VAPA: variants seen among roughly 807,000 people sequenced by gnomAD.
VAPA encodes the protein vesicle-associated membrane protein-associated protein A.
A neutral mutation model predicts 25.6 loss-of-function variants in VAPA; 6 were observed. That is an observed-to-expected ratio of 0.23 (90% CI 0.13 to 0.46). VAPA has a LOEUF of 0.46. Among genes scored for constraint, VAPA ranks in the 20% least tolerant of loss-of-function variants. VAPA has a pLI of 0.99. For missense variants in VAPA, 244 were observed against 302.1 expected (o/e 0.81, Z 1.43); for synonymous variants, 112 against 106.2 (o/e 1.05, Z -0.34).
intron 4 of VAPA, chr18:9,948,197 T>TA (rs2069446587): frequency 2.0e-5 from 3 of 152,192 alleles, no homozygotes; most frequent in Admixed American, 1.3e-4. Context: ...AATTCTAATC[T>TA]AATTCCAAGT....
intron 1 of VAPA, among the ~76,000 whole-genome samples, chr18:9,919,079 C>T (rs138294031): frequency 1.0e-3 from 153 of 152,120 alleles, no homozygotes; most frequent in African/African-American, 3.3e-3. Context: ...ATGGGGGTGC[C>T]GCTGTGTTGC....
intron 3 of VAPA, 142 bp from the exon 4 acceptor site, chr18:9,936,844 G>A: frequency 1.6e-6 from 1 of 607,710 alleles, no homozygotes; most frequent in Non-Finnish European, 2.9e-6. Context: ...GATAACAATG[G>A]CAGGGTGATC....
intron 1 of VAPA, among the ~76,000 whole-genome samples, chr18:9,917,707 C>T (rs1461876863): frequency 3.3e-5 from 5 of 151,914 alleles, no homozygotes; most frequent in Non-Finnish European, 5.9e-5. Context: ...TGAGAGTGGC[C>T]GATAACAATA....
chr18:9,931,950 G>C lies in VAPA; in HGVS notation c.220G>C (p.Val74Leu). ...TGGAATTATTGACCCAGGGTCAACT[G>C]TGACTGTTTCAGGTAGCAAATCATG... ...NSGIIDPGST[V>L]TVSVMLQPFD... is the part of the protein sequence containing the mutation. Residue 74 changes from valine (V) to leucine (L), a missense_variant, in exon 2 of 6, where the codon GTG becomes CTG. Physicochemically the swap from Val to Leu is conservative, Grantham distance 32. Coordinates refer to ENST00000400000, the MANE Select transcript of VAPA (RefSeq NM_194434.3). The C allele has an allele frequency of 6.3e-7, 1 of 1,595,814 alleles. No individual in the cohort carries two copies. Among genetic ancestry groups the C allele is most frequent in the African/African-American group, 1.3e-5 (1 of 74,260 alleles).
intron 4 of VAPA, among the ~76,000 whole-genome samples, chr18:9,940,480 A>C (rs2069355793): frequency 6.6e-6 from 1 of 152,184 alleles, no homozygotes; most frequent in Non-Finnish European, 1.5e-5. Flanking sequence ...GTAAGAGTGG[A>C]GGCCCATTTT....
chr18:9,949,796 A>AT (rs1195524932), intron 4 of VAPA: 2 of 152,482 alleles, frequency 1.3e-5, no homozygotes, highest in African/African-American at 4.8e-5. Flanking sequence ...GAGGATTAAG[A>AT]TTTTGGGGCT....
chr18:9,941,382 A>G (rs956510322), intron 4 of VAPA, among the ~76,000 whole-genome samples: 1 of 152,184 alleles, frequency 6.6e-6, no homozygotes, highest in Non-Finnish European at 1.5e-5. Flanking sequence ...CTTTTACAGA[A>G]AATATGAAAT....
chr18:9,950,851 C>T (rs1298380863), intron 5 of VAPA: 1 of 365,556 alleles, frequency 2.7e-6, no homozygotes, highest in African/African-American at 2.1e-5. Context: ...CATTTTGTGC[C>T]CTAGTCATAC....
At chr18:9,926,173 A>T (rs972764559) in intron 1 of VAPA, among the ~76,000 whole-genome samples, 2 of 152,168 alleles carry the variant, frequency 1.3e-5, no homozygotes, top group African/African-American at 4.8e-5. Flanking sequence ...CCGTTAGTAG[A>T]TATTCTGTGT....
intron 4 of VAPA, among the ~76,000 whole-genome samples, chr18:9,943,131 T>TA (rs1452284253): frequency 2.0e-5 from 3 of 152,340 alleles, no homozygotes; most frequent in Middle Eastern, 3.4e-3. Flanking sequence ...TGTGGTCATC[T>TA]TATAGGGTGA....
intron 2 of VAPA, among the ~76,000 whole-genome samples, chr18:9,934,991 A>T (rs2069293454): frequency 6.7e-6 from 1 of 149,780 alleles, no homozygotes; most frequent in African/African-American, 2.4e-5. Flanking sequence ...GCTACTCGGG[A>T]GGCTGAGGCA....
intron 4 of VAPA, chr18:9,947,916 T>C (rs2069442726): frequency 6.6e-6 from 1 of 152,258 alleles, no homozygotes; most frequent in Middle Eastern, 3.4e-3. Context: ...GCATAACATA[T>C]ACATATGTAG....
intron 3 of VAPA, 193 bp from the exon 4 acceptor site, chr18:9,936,793 G>A (rs910822618): frequency 3.6e-5 from 17 of 476,194 alleles, no homozygotes; most frequent in Admixed American, 1.2e-4. Context: ...AATGGATGGT[G>A]ATAGTAACTA....
chr18:9,925,444 A>G (rs575465892), intron 1 of VAPA, among the ~76,000 whole-genome samples: 7 of 152,268 alleles, frequency 4.6e-5, no homozygotes, highest in South Asian at 2.1e-4. Flanking sequence ...TAGTGCTTCA[A>G]TGACTAAGTT....
chr18:9,947,588 T>C (rs375632913), intron 4 of VAPA: 2 of 152,222 alleles, frequency 1.3e-5, no homozygotes, highest in African/African-American at 4.8e-5. Context: ...TTCCAGCTTA[T>C]TCTGAATTGC....
chr18:9,936,235 GT>G, intron 3 of VAPA, 22 bp downstream of exon 3: 1 of 1,510,940 alleles, frequency 6.6e-7, no homozygotes, highest in Non-Finnish European at 9.0e-7. Flanking sequence ...AGAAGAATTT[GT>G]TTTGGGAAGT....
At chr18:9,930,747 T>C (rs1398053414) in intron 1 of VAPA, among the ~76,000 whole-genome samples, 1 of 152,084 alleles carries the variant, frequency 6.6e-6, no homozygotes, top group Non-Finnish European at 1.5e-5. Flanking sequence ...CTTTCTTTTC[T>C]ATAACTGGTT....
At chr18:9,937,168 T>C (rs2069319535) in intron 4 of VAPA, 102 bp downstream of exon 4, 1 of 793,574 alleles carries the variant, frequency 1.3e-6, no homozygotes, top group Admixed American at 2.7e-5. Flanking sequence ...GTGATATGGC[T>C]ATTACACTTC....
intron 2 of VAPA, among the ~76,000 whole-genome samples, chr18:9,934,676 A>G (rs895248978): frequency 7.9e-5 from 12 of 152,298 alleles, no homozygotes; most frequent in Non-Finnish European, 1.5e-4. Flanking sequence ...AATAATTTCT[A>G]TAATGCCATG....
Sources: allele counts gnomAD v4.1 joint callset (sites outside exome capture counted in the v4.1 genomes callset), GRCh38; gene constraint gnomAD v4.1.1; transcripts MANE v1.5; gene names NCBI Gene and HGNC (gene_info 2026-07-23, HGNC 2026-07-21).